Variants in ANKS6 observed in about 807,000 individuals in gnomAD.
ANKS6 encodes the protein ankyrin repeat and sterile alpha motif domain containing 6.
ANKS6 carries 47 observed loss-of-function variants against 77.9 expected under a neutral mutation model. The observed-to-expected ratio is 0.60, with a 90% CI of 0.48 to 0.77. The LOEUF is 0.77. Among genes scored for constraint, ANKS6 ranks in the 30% least tolerant of loss-of-function variants. The pLI, the probability that ANKS6 is intolerant of heterozygous loss-of-function variation, is 0.00. For missense variants in ANKS6, 1,150 were observed against 1,159.1 expected, an observed-to-expected ratio of 0.99 and a Z score of 0.11; for synonymous variants, 488 against 501.7, an observed-to-expected ratio of 0.97 and a Z score of 0.37.
chr9:98,794,210 C>T (rs1365894942), intron 1 of ANKS6, among the ~76,000 whole-genome samples: 4 of 149,992 alleles, frequency 2.7e-5, no homozygotes, highest in Non-Finnish European at 4.4e-5. Context: ...TACTAAAACA[C>T]CCACAAAAGA....
intron 2 of ANKS6, among the ~76,000 whole-genome samples, chr9:98,785,799 A>C (rs539152032): frequency 5.5e-4 from 83 of 152,182 alleles, no homozygotes; most frequent in Admixed American, 1.6e-3. Flanking sequence ...GCCCAGGACA[A>C]GGAGCACAGA....
At chr9:98,788,015 G>A (rs1343992391) in intron 2 of ANKS6, among the ~76,000 whole-genome samples, 4 of 152,250 alleles carry the variant, frequency 2.6e-5, no homozygotes, top group Non-Finnish European at 4.4e-5. Context: ...GGAAATGGGA[G>A]CTTGGTGAAC....
chr9:98,759,391 G>A (rs1832895056), intron 11 of ANKS6, among the ~76,000 whole-genome samples: 1 of 152,226 alleles, frequency 6.6e-6, no homozygotes, highest in Non-Finnish European at 1.5e-5. Context: ...TTCTGCAGTG[G>A]ACACCAGCTA....
At chr9:98,767,520 GT>G (rs1833368167) in intron 11 of ANKS6, among the ~76,000 whole-genome samples, 1 of 152,198 alleles carries the variant, frequency 6.6e-6, no homozygotes, top group African/African-American at 2.4e-5. Context: ...CCTTAGAGCG[GT>G]TGCCAAATTT....
Position 98,784,116 on chromosome 9 carries a change from TG to T in ANKS6, c.948del (p.Ser317AlafsTer3). On this transcript the variant is annotated frameshift_variant, in exon 4 of 15. Coordinates refer to ENST00000353234, the MANE Select transcript of ANKS6 (RefSeq NM_173551.5). LOFTEE classifies it high-confidence loss of function. ...QLVKEIADED[P>X]SHVNLVNGDG... is the part of the protein sequence containing the mutation. Reference sequence around the variant, plus strand: ...TCCCCATTGACCAAGTTCACGTGGCTGGGGTCTTCATCGGCAATCTCTTTGA... The same window carrying T: ...TCCCCATTGACCAAGTTCACGTGGCTGGGTCTTCATCGGCAATCTCTTTGA... The T allele has an allele frequency of 6.4e-7, 1 of 1,569,172 alleles. No individual in the cohort carries two copies. Among genetic ancestry groups the T allele is most frequent in the Non-Finnish European group, 8.7e-7 (1 of 1,152,444 alleles).
intron 5 of ANKS6, among the ~76,000 whole-genome samples, chr9:98,781,797 C>G (rs765855242): frequency 2.0e-5 from 3 of 152,216 alleles, no homozygotes; most frequent in Non-Finnish European, 4.4e-5. Flanking sequence ...AGAATCCCAG[C>G]ACAGGGTTCA....
In ANKS6 at chr9:98,735,875, G is replaced by C; in HGVS notation, c.*644C>G. On this transcript the variant is annotated 3_prime_UTR_variant, in exon 15 of 15. Transcript: ENST00000353234. ...ACAGCAGTCACATACACAGCACTAAGGGACCCAGTGGCTGAAAGGGGGTCA... is the reference window on the plus strand; with the variant it reads ...ACAGCAGTCACATACACAGCACTAACGGACCCAGTGGCTGAAAGGGGGTCA... 1 of 1,232,408 alleles carries C rather than the reference G, an allele frequency of 8.1e-7. No homozygotes were observed. Among genetic ancestry groups the C allele is most frequent in the Non-Finnish European group, 1.0e-6 (1 of 988,670 alleles). The allele number at this position is 1,232,408 out of a possible 1,614,324, so 76.3% of individuals were successfully genotyped here.
intron 1 of ANKS6, among the ~76,000 whole-genome samples, chr9:98,795,036 G>C (rs1385476099): frequency 6.6e-6 from 1 of 152,140 alleles, no homozygotes; most frequent in Non-Finnish European, 1.5e-5. Flanking sequence ...GGAGGGACCA[G>C]AGAACAGGGA....
chr9:98,785,706 G>A (rs1834527336), intron 2 of ANKS6, among the ~76,000 whole-genome samples: 1 of 152,162 alleles, frequency 6.6e-6, no homozygotes, highest in African/African-American at 2.4e-5. Context: ...CCCAGGGGAT[G>A]GAGCAGCTGC....
chr9:98,734,118 A>G lies in ANKS6; in HGVS notation c.*2401T>C, dbSNP rs988629530. 2.0e-6 allele frequency: 2 copies of G among 985,418 alleles called. No individual in the cohort carries two copies. Among genetic ancestry groups the G allele is most frequent in the Non-Finnish European group, 2.4e-6 (2 of 830,014 alleles). 61.0% of individuals were successfully genotyped at this position (985,418 alleles called of 1,614,324 possible). On this transcript the variant is annotated 3_prime_UTR_variant, in exon 15 of 15. Transcript: ENST00000353234. ...GTGCCCTTTCTCTTCCCTGCCTACC[A>G]GCCGCATCCAAACATCCCCAGAAAG...
intron 13 of ANKS6, among the ~76,000 whole-genome samples, chr9:98,749,896 T>C (rs902326552): frequency 2.0e-5 from 3 of 152,228 alleles, no homozygotes; most frequent in Non-Finnish European, 2.9e-5. Context: ...GTGTCAGTTT[T>C]TACCTACTAA....
intron 1 of ANKS6, among the ~76,000 whole-genome samples, chr9:98,794,298 C>T (rs1362676370): frequency 6.6e-6 from 1 of 152,088 alleles, no homozygotes; most frequent in Non-Finnish European, 1.5e-5. Flanking sequence ...TTGCTCAGAC[C>T]CAGCGTGGTG....
intron 1 of ANKS6, among the ~76,000 whole-genome samples, chr9:98,792,290 C>T (rs1564231472): frequency 6.6e-6 from 1 of 152,164 alleles, no homozygotes; most frequent in Non-Finnish European, 1.5e-5. Context: ...CTCAACCAGG[C>T]TAGGTCAGTG....
intron 11 of ANKS6, among the ~76,000 whole-genome samples, chr9:98,759,714 A>C (rs1832908149): frequency 1.3e-5 from 2 of 152,244 alleles, no homozygotes; most frequent in African/African-American, 4.8e-5. Flanking sequence ...ACTGGAGGAC[A>C]TTATGTTAAG....
At chr9:98,790,647 C>T (rs762198012) in intron 1 of ANKS6, 41 bp from the exon 2 acceptor site, 1 of 1,570,736 alleles carries the variant, frequency 6.4e-7, no homozygotes, top group African/African-American at 1.3e-5. Context: ...GAACACACAG[C>T]ACTCGGGGGC....
At chr9:98,740,613 G>C (rs1406459805) in intron 14 of ANKS6, among the ~76,000 whole-genome samples, 1 of 152,192 alleles carries the variant, frequency 6.6e-6, no homozygotes, top group Non-Finnish European at 1.5e-5. Context: ...AATTTCCTGA[G>C]AAATGAGGTC....
At position 98,791,320 on chromosome 9, in the gene ANKS6, G is replaced by A. The variant is rs1834892328; in HGVS notation, c.360-714C>T. Among the ~76,000 whole-genome samples, 1 of 152,226 alleles carries A rather than the reference G, an allele frequency of 6.6e-6. No individual in the cohort carries two copies. Among genetic ancestry groups the A allele is most frequent in the Non-Finnish European group, 1.5e-5 (1 of 68,042 alleles). On this transcript the variant is annotated intron_variant, in intron 1 of 14. Transcript: ENST00000353234. This position sits in a 1 kb window ranked among gnomAD's most constrained non-coding sequence, Gnocchi z 4.3. ...GTGGTCAGCAGATAGGCTGGGCATTGCGGCCTGGAGGCCTGCTGCCACCTG... is the reference window on the plus strand; with the variant it reads ...GTGGTCAGCAGATAGGCTGGGCATTACGGCCTGGAGGCCTGCTGCCACCTG...
At chr9:98,739,350 T>G (rs894389963) in intron 14 of ANKS6, among the ~76,000 whole-genome samples, 1 of 152,202 alleles carries the variant, frequency 6.6e-6, no homozygotes, top group Non-Finnish European at 1.5e-5. Context: ...CATGCACCTG[T>G]AGTCCCAGCT....
chr9:98,754,482 A>G (rs1475096218), intron 12 of ANKS6, among the ~76,000 whole-genome samples: 2 of 152,086 alleles, frequency 1.3e-5, no homozygotes, highest in Non-Finnish European at 2.9e-5. Context: ...TCTACTAATA[A>G]TACAAAATAA....
Sources: allele counts gnomAD v4.1 joint callset (sites outside exome capture counted in the v4.1 genomes callset), GRCh38; gene constraint gnomAD v4.1.1; non-coding constraint Gnocchi (gnomAD v3.1); transcripts MANE v1.5; gene names NCBI Gene and HGNC (gene_info 2026-07-23, HGNC 2026-07-21).